PIBF1: variants seen among roughly 807,000 people sequenced by gnomAD.
PIBF1 encodes progesterone-induced-blocking factor 1.
A neutral mutation model predicts 112.5 loss-of-function variants in PIBF1; 90 were observed. The observed-to-expected ratio is 0.80, with a 90% CI of 0.67 to 0.95. The LOEUF (loss-of-function observed/expected upper bound fraction) is 0.95. Ranked by LOEUF, PIBF1 falls within the 40% of genes least tolerant of loss-of-function variation. PIBF1 has a pLI of 0.00. For missense variants in PIBF1, 915 were observed against 852.3 expected (o/e 1.07, Z -0.92); for synonymous variants, 301 against 288.6 (o/e 1.04, Z -0.44).
rs2041579977 is a variant in PIBF1 at position 72,928,028 on chromosome 13, T to TATATATATATATATATAC, written c.1731-3126_1731-3109dup. Among the ~76,000 whole-genome samples, 24 of 58,856 alleles carry TATATATATATATATATAC rather than the reference T, an allele frequency of 4.1e-4. 2 individuals carry two copies. The highest frequency in any genetic ancestry group is 1.2e-3 in the African/African-American group (24 of 19,694). 38.6% of individuals were successfully genotyped at this position (58,856 alleles called of 152,430 possible). ...ATACATATATATACATATATATACA[T>TATATATATATATATATAC]ATATATATATATATATACATATATA... On this transcript the variant is annotated intron_variant, in intron 13 of 17. Transcript: ENST00000326291.
intron 1 of PIBF1, 139 bp from the exon 2 acceptor site, chr13:72,783,284 G>A (rs771488554): frequency 0.032 from 17,076 of 527,082 alleles, 379 homozygotes; most frequent in Non-Finnish European, 0.042. Context: ...TAACTTAACT[G>A]CAATAATCTG....
At chr13:72,984,010 A>C (rs2043216285) in intron 16 of PIBF1, among the ~76,000 whole-genome samples, 2 of 152,176 alleles carry the variant, frequency 1.3e-5, no homozygotes, top group African/African-American at 4.8e-5. Context: ...TTAAAGAGAA[A>C]GATAATTATT....
chr13:72,974,696 A>G (rs1459834687), intron 16 of PIBF1, among the ~76,000 whole-genome samples: 1 of 152,208 alleles, frequency 6.6e-6, no homozygotes, highest in African/African-American at 2.4e-5. Context: ...TAATTCATTC[A>G]CAGTTTATGG....
intron 10 of PIBF1, among the ~76,000 whole-genome samples, chr13:72,879,547 G>A (rs565531043): frequency 6.6e-6 from 1 of 152,312 alleles, no homozygotes; most frequent in Non-Finnish European, 1.5e-5. Flanking sequence ...AATAAAAGAA[G>A]GCAGTTTTTA....
chr13:72,819,089 G>A (rs2036426374), intron 5 of PIBF1, among the ~76,000 whole-genome samples: 1 of 152,060 alleles, frequency 6.6e-6, no homozygotes, highest in Non-Finnish European at 1.5e-5. Context: ...TTTGTTCTTA[G>A]TGTTTATAAT....
chr13:72,834,401 G>A (rs1017218196), intron 8 of PIBF1, among the ~76,000 whole-genome samples: 5 of 152,110 alleles, frequency 3.3e-5, no homozygotes, highest in Non-Finnish European at 5.9e-5. Flanking sequence ...AAGGCAGGAG[G>A]ATTGCTTGAG....
intron 5 of PIBF1, among the ~76,000 whole-genome samples, chr13:72,817,247 G>C (rs572237469): frequency 6.6e-6 from 1 of 152,068 alleles, no homozygotes; most frequent in East Asian, 1.9e-4. Flanking sequence ...TTTTTTCTCA[G>C]TTTACATCAT....
At chr13:72,869,056 G>A (rs1303456102) in intron 10 of PIBF1, among the ~76,000 whole-genome samples, 2 of 152,072 alleles carry the variant, frequency 1.3e-5, no homozygotes, top group Admixed American at 1.3e-4. Context: ...AAGTCAGTGT[G>A]GCGATTCCTC....
chr13:72,806,961 A>G (rs2035764524), intron 5 of PIBF1, among the ~76,000 whole-genome samples: 1 of 149,956 alleles, frequency 6.7e-6, no homozygotes, highest in African/African-American at 2.4e-5. Context: ...ATTGTCTTTC[A>G]CAGTCAGGTT....
intron 16 of PIBF1, among the ~76,000 whole-genome samples, chr13:72,996,652 G>A (rs1227188601): frequency 6.6e-6 from 1 of 152,022 alleles, no homozygotes; most frequent in Non-Finnish European, 1.5e-5. Flanking sequence ...GCTGGGTGTG[G>A]GGGAATGCCC....
rs144126269 is a variant in PIBF1 at position 72,993,304 on chromosome 13, G to A, written c.2050-5518G>A. Among the ~76,000 whole-genome samples, 1,011 of 152,138 alleles carry A rather than the reference G, an allele frequency of 6.6e-3. 14 individuals carry two copies. Among genetic ancestry groups the A allele is most frequent in the African/African-American group, 0.023 (956 of 41,518 alleles). On this transcript the variant is annotated intron_variant, in intron 16 of 17. Coordinates refer to ENST00000326291, the MANE Select transcript of PIBF1 (RefSeq NM_006346.4). ...TGTGCCACTGCACTCCAGCCTGGGC[G>A]ACAGAGCAAGACCTGTCTCCAGAAA... is the stretch of plus-strand genomic sequence containing the variant.
intron 11 of PIBF1, among the ~76,000 whole-genome samples, chr13:72,906,503 G>C (rs1160048904): frequency 6.6e-6 from 1 of 151,822 alleles, no homozygotes; most frequent in Non-Finnish European, 1.5e-5. Context: ...CCTACCATGG[G>C]TCCAACAGTC....
intron 10 of PIBF1, among the ~76,000 whole-genome samples, chr13:72,870,222 C>T (rs1195002824): frequency 2.6e-5 from 4 of 152,172 alleles, no homozygotes; most frequent in Admixed American, 2.6e-4. Context: ...TGTTCTCTGC[C>T]TTCCTTAATT....
intron 17 of PIBF1, among the ~76,000 whole-genome samples, chr13:73,013,682 A>G (rs1324314509): frequency 6.7e-6 from 1 of 149,096 alleles, no homozygotes; most frequent in Non-Finnish European, 1.5e-5. Flanking sequence ...GGCTACAGTT[A>G]GCCATGATCA....
At chr13:72,879,322 T>A (rs571365701) in intron 10 of PIBF1, among the ~76,000 whole-genome samples, 7 of 152,248 alleles carry the variant, frequency 4.6e-5, no homozygotes, top group African/African-American at 1.7e-4. Context: ...TAAAGTGTTT[T>A]TAGTATCAGG....
At chr13:72,914,132 G>A (rs941823314) in intron 12 of PIBF1, among the ~76,000 whole-genome samples, 4 of 151,812 alleles carry the variant, frequency 2.6e-5, no homozygotes, top group African/African-American at 9.7e-5. Flanking sequence ...ACTATTTTTA[G>A]TACTACATTG....
At chr13:72,898,807 C>T (rs1016393043) in intron 11 of PIBF1, among the ~76,000 whole-genome samples, 18 of 149,908 alleles carry the variant, frequency 1.2e-4, no homozygotes, top group African/African-American at 4.2e-4. Context: ...GAGATCGTAC[C>T]ATTGCATTCC....
intron 10 of PIBF1, among the ~76,000 whole-genome samples, chr13:72,857,743 G>A (rs1357437986): frequency 6.6e-6 from 1 of 152,100 alleles, no homozygotes; most frequent in Non-Finnish European, 1.5e-5. Context: ...GGGAGGTGGA[G>A]GCAGGAGAAT....
intron 2 of PIBF1, among the ~76,000 whole-genome samples, chr13:72,786,964 G>A (rs188069600): frequency 6.6e-6 from 1 of 152,306 alleles, no homozygotes; most frequent in Non-Finnish European, 1.5e-5. Context: ...CAGTTGAATT[G>A]TTAAGTGCCT....
Sources: allele counts gnomAD v4.1 joint callset (sites outside exome capture counted in the v4.1 genomes callset), GRCh38; gene constraint gnomAD v4.1.1; transcripts MANE v1.5; gene names NCBI Gene and HGNC (gene_info 2026-07-23, HGNC 2026-07-21).